The following FICD variants were observed in gnomAD, a reference collection of about 807,000 sequenced individuals.
FICD encodes the protein protein adenylyltransferase FICD.
In FICD, 13 loss-of-function variants were observed where a neutral mutation model predicts 28.0. The ratio of observed to expected loss-of-function variants is 0.46; its 90% CI spans 0.30 to 0.74. The LOEUF (loss-of-function observed/expected upper bound fraction) is 0.74, where lower values mean the gene tolerates loss of function less well. Among genes scored for constraint, FICD ranks in the 30% least tolerant of loss-of-function variants. The pLI is 0.07. For missense variants in FICD, 576 were observed against 624.5 expected, an observed-to-expected ratio of 0.92 and a Z score of 0.83; for synonymous variants, 268 against 266.4, an observed-to-expected ratio of 1.01 and a Z score of -0.06.
At position 108,518,508 on chromosome 12, in the gene FICD, C is replaced by T. The variant is rs753413389; in HGVS notation, c.410C>T (p.Pro137Leu). Reference protein sequence around the residue: ...KLFMHALKMDPDFVDALTEFG... With the variant: ...KLFMHALKMDLDFVDALTEFG... ...TTCATGCACGCCCTCAAGATGGACC[C>T]GGACTTCGTGGACGCGCTCACCGAG... is the stretch of plus-strand genomic sequence containing the variant. Residue 137 changes from proline to leucine, a missense_variant, in exon 3 of 3, where the codon CCG becomes CTG. Physicochemically the swap from Pro to Leu is moderately conservative, Grantham distance 98. Coordinates refer to ENST00000552695, the MANE Select transcript of FICD (RefSeq NM_007076.3). The surrounding 1 kb of genome is among the most constrained non-coding windows in gnomAD (Gnocchi z 4.4). 48 of 1,614,016 alleles carry T rather than the reference C, an allele frequency of 3.0e-5. No homozygotes were observed. In the Middle Eastern group the frequency reaches 4.9e-4, roughly 17 times the overall value.
chr12:108,518,638 C>T lies in FICD; in HGVS notation c.540C>T (p.Arg180=), dbSNP rs772940478. ...SPYHEKALVN[R]DRTLPLVEEI... ...ACCATGAGAAAGCACTGGTCAACCG[C>T]GATCGGACACTGCCTCTTGTGGAAG... is the stretch of plus-strand genomic sequence containing the variant. The change falls in exon 3 of 3, where the codon CGC becomes CGT. Residue 180 remains arginine, a synonymous_variant. Transcript: ENST00000552695. This position sits in a 1 kb window ranked among gnomAD's most constrained non-coding sequence, Gnocchi z 4.4. 2.3e-5 allele frequency: 37 copies of T among 1,614,070 alleles called. No homozygotes were observed. The Admixed American group carries it at 2.3e-4, about 10-fold the overall frequency.
chr12:108,516,940 G>C lies in FICD; in HGVS notation c.-33G>C. ...ATCCTGCTCTCTCTCAGCCGCCTGT[G>C]GACATGCGCAAAGGGCCCTCTCCTG... On this transcript the variant is annotated 5_prime_UTR_variant, in exon 2 of 3. Transcript: ENST00000552695. The C allele has an allele frequency of 6.9e-7, 1 of 1,442,370 alleles. No homozygotes were observed. Among genetic ancestry groups the C allele is most frequent in the Non-Finnish European group, 9.2e-7 (1 of 1,086,764 alleles). The allele number at this position is 1,442,370 out of a possible 1,614,324, so 89.3% of individuals were successfully genotyped here.
chr12:108,519,496 AAAGG>A lies in FICD; in HGVS notation c.*22_*25del. 1.3e-6 allele frequency: 2 copies of A among 1,521,166 alleles called. No individual in the cohort carries two copies. The highest frequency in any genetic ancestry group is 1.8e-6 in the Non-Finnish European group (2 of 1,109,894). The allele number at this position is 1,521,166 out of a possible 1,614,324, so 94.2% of individuals were successfully genotyped here. A position where few individuals can be genotyped will look rare whatever the true frequency, so the allele number is the denominator to read the frequency against. On this transcript the variant is annotated 3_prime_UTR_variant, in exon 3 of 3. Transcript: ENST00000552695. This position sits in a 1 kb window ranked among gnomAD's most constrained non-coding sequence, Gnocchi z 4.5. Reference sequence around the variant, plus strand: ...CCTAACCCTAGAAATCCTCAGTGACAAAGGCTGTCCTGAGGTAGGAAAAAAAAAA... The same window carrying A: ...CCTAACCCTAGAAATCCTCAGTGACACTGTCCTGAGGTAGGAAAAAAAAAA...
chr12:108,517,765 A>G (rs80345256), intron 2 of FICD, among the ~76,000 whole-genome samples: 5,487 of 152,112 alleles, frequency 0.036, 128 homozygotes, highest in South Asian at 0.075. Flanking sequence ...GCATTGTTAG[A>G]TGGTGGTGGC....
Position 108,518,342 on chromosome 12 carries a change from G to C in FICD, c.302-58G>C. On this transcript the variant is annotated intron_variant, in intron 2 of 2. Coordinates refer to ENST00000552695, the MANE Select transcript of FICD (RefSeq NM_007076.3). The surrounding 1 kb of genome is among the most constrained non-coding windows in gnomAD (Gnocchi z 4.4). ...AGACCAGCACAGGGGACAGCCCCCCGAATGTCCTCTGCCCCCTAGCCTCCC... is the reference window on the plus strand; with the variant it reads ...AGACCAGCACAGGGGACAGCCCCCCCAATGTCCTCTGCCCCCTAGCCTCCC... The C allele has an allele frequency of 7.0e-7, 1 of 1,437,146 alleles. No individual in the cohort carries two copies. The highest frequency in any genetic ancestry group is 9.8e-7 in the Non-Finnish European group (1 of 1,023,858). 89.0% of individuals were successfully genotyped at this position (1,437,146 alleles called of 1,614,324 possible).
chr12:108,519,412 G>A lies in FICD; in HGVS notation c.1314G>A (p.Val438=). 1 of 1,614,048 alleles carries A rather than the reference G, an allele frequency of 6.2e-7. No individual in the cohort carries two copies. The highest frequency in any genetic ancestry group is 8.5e-7 in the Non-Finnish European group (1 of 1,180,004). The change falls in exon 3 of 3, where the codon GTG becomes GTA. Residue 438 remains valine (V), a synonymous_variant. Transcript: ENST00000552695. The surrounding 1 kb of genome is among the most constrained non-coding windows in gnomAD (Gnocchi z 4.5). ...TTTTTGCCACAACTGAGTACTCGGT[G>A]GCACTGCCAGAAGCCCAACCCAACC... The part of the protein sequence containing the change: ...TLLFATTEYS[V]ALPEAQPNHS...
rs1872004123 is a variant in FICD, at chr12:108,518,805, A to C, written c.707A>C (p.Asn236Thr). 6.2e-7 allele frequency: 1 copy of C among 1,614,196 alleles called. No homozygotes were observed. Among genetic ancestry groups the C allele is most frequent in the Non-Finnish European group, 8.5e-7 (1 of 1,180,016 alleles). Residue 236 changes from asparagine to threonine, a missense_variant, in exon 3 of 3, where the codon AAC becomes ACC. Coordinates refer to ENST00000552695, the MANE Select transcript of FICD (RefSeq NM_007076.3). The surrounding 1 kb of genome is among the most constrained non-coding windows in gnomAD (Gnocchi z 4.4). ...TACCACACAGTGGCCATCGAGGGCA[A>C]CACCCTCACCCTCTCGGAAATCAGG... ...HIYHTVAIEG[N>T]TLTLSEIRHI...
intron 2 of FICD, chr12:108,517,593 C>A: frequency 2.4e-6 from 1 of 420,512 alleles, no homozygotes. Flanking sequence ...GTTGTCATAA[C>A]TGACATAACT....
chr12:108,519,312 C>G lies in FICD; in HGVS notation c.1214C>G (p.Ala405Gly). ...TCCGACTACTACCACGTGTTGGAAG[C>G]TGCCAACGAGGGCGACGTGAGGCCT... ...QRSDYYHVLE[A>G]ANEGDVRPFI... The change falls in exon 3 of 3, where the codon GCT (alanine) becomes GGT (glycine). Residue 405 changes from alanine (A) to glycine (G), a missense_variant. Physicochemically the swap from Ala to Gly is moderately conservative, Grantham distance 60. Transcript: ENST00000552695. The surrounding 1 kb of genome is among the most constrained non-coding windows in gnomAD (Gnocchi z 4.5). 6.2e-7 allele frequency: 1 copy of G among 1,614,268 alleles called. No homozygotes were observed. Among genetic ancestry groups the G allele is most frequent in the Non-Finnish European group, 8.5e-7 (1 of 1,180,056 alleles).
At position 108,518,711 on chromosome 12, in the gene FICD, G is replaced by GT. The variant is rs1187423160; in HGVS notation, c.614dup (p.Met206HisfsTer153). On this transcript the variant is annotated frameshift_variant, in exon 3 of 3. Coordinates refer to ENST00000552695, the MANE Select transcript of FICD (RefSeq NM_007076.3). LOFTEE classifies it high-confidence loss of function. The surrounding 1 kb of genome is among the most constrained non-coding windows in gnomAD (Gnocchi z 4.4). ...CATCATCGACAGCAAAGTGAAGAAG[G>GT]TCATGTCCATCCCCAAGGGGAACTC... 1 of 1,614,214 alleles carries GT rather than the reference G, an allele frequency of 6.2e-7. No individual in the cohort carries two copies. Among genetic ancestry groups the GT allele is most frequent in the Non-Finnish European group, 8.5e-7 (1 of 1,180,040 alleles).
rs1390273404 is a variant in FICD, at chr12:108,518,594, G to A, written c.496G>A (p.Ala166Thr). Residue 166 changes from alanine (A) to threonine (T), a missense_variant, in exon 3 of 3, where the codon GCA becomes ACA. Ala to Thr is a moderately conservative substitution (Grantham distance 58, BLOSUM62 0). Coordinates refer to ENST00000552695, the MANE Select transcript of FICD (RefSeq NM_007076.3). This position sits in a 1 kb window ranked among gnomAD's most constrained non-coding sequence, Gnocchi z 4.4. ...IIQADYLYTR[A>T]LTISPYHEKA... ...CCAGGCGGACTACTTGTACACCAGA[G>A]CATTGACCATCTCACCCTACCATGA... 6.2e-7 allele frequency: 1 copy of A among 1,614,212 alleles called. No homozygotes were observed.
rs578188944 is a variant in FICD at position 108,516,087 on chromosome 12, G to A, written c.-59+726G>A. On this transcript the variant is annotated intron_variant, in intron 1 of 2. Transcript: ENST00000552695. ...TTAATAAGTGCTTATTGTTAGCATA[G>A]TGTTTGCATGCCTGGCCCCACCTCC... Among the ~76,000 whole-genome samples the A allele has an allele frequency of 2.0e-5, 3 of 152,212 alleles. No individual in the cohort carries two copies. In the South Asian group the frequency reaches 6.2e-4, roughly 32 times the overall value.
Position 108,517,122 on chromosome 12 carries a change from G to C in FICD, c.150G>C (p.Gln50His). 1.9e-6 allele frequency: 3 copies of C among 1,609,878 alleles called. No individual in the cohort carries two copies. Among genetic ancestry groups the C allele is most frequent in the Non-Finnish European group, 2.5e-6 (3 of 1,178,202 alleles). The change falls in exon 2 of 3, where the codon CAG becomes CAC. Residue 50 changes from glutamine (Q) to histidine (H), a missense_variant. By Grantham distance (24) the Gln-to-His change is conservative. Coordinates refer to ENST00000552695, the MANE Select transcript of FICD (RefSeq NM_007076.3). ...TGCCGCTGGGGGCTGTGGAGGAGCAGTGCTTGGCTGTGCTCAAAGGCCTCT... is the reference window on the plus strand; with the variant it reads ...TGCCGCTGGGGGCTGTGGAGGAGCACTGCTTGGCTGTGCTCAAAGGCCTCT... Reference protein sequence around the residue: ...LLLPLGAVEEQCLAVLKGLYL... With the variant: ...LLLPLGAVEEHCLAVLKGLYL...
rs755373703 is a variant in FICD at position 108,518,706 on chromosome 12, A to G, written c.608A>G (p.Lys203Arg). 8 of 1,614,218 alleles carry G rather than the reference A, an allele frequency of 5.0e-6. No homozygotes were observed. The South Asian group carries it at 8.8e-5, about 18-fold the overall frequency. Residue 203 changes from lysine (K) to arginine (R), a missense_variant, in exon 3 of 3, where the codon AAG (lysine) becomes AGG (arginine). By Grantham distance (26) the Lys-to-Arg change is conservative. Transcript: ENST00000552695. This position sits in a 1 kb window ranked among gnomAD's most constrained non-coding sequence, Gnocchi z 4.4. ...RYFSIIDSKV[K>R]KVMSIPKGNS... ...TTCAGCATCATCGACAGCAAAGTGA[A>G]GAAGGTCATGTCCATCCCCAAGGGG...
chr12:108,516,962 C>T lies in FICD; in HGVS notation c.-11C>T. On this transcript the variant is annotated 5_prime_UTR_variant, in exon 2 of 3. Coordinates refer to ENST00000552695, the MANE Select transcript of FICD (RefSeq NM_007076.3). Reference sequence around the variant, plus strand: ...TGTGGACATGCGCAAAGGGCCCTCTCCTGAGTCCAGATGATGCTCATACCA... The same window carrying T: ...TGTGGACATGCGCAAAGGGCCCTCTTCTGAGTCCAGATGATGCTCATACCA... 6.8e-7 allele frequency: 1 copy of T among 1,470,370 alleles called. No individual in the cohort carries two copies. Among genetic ancestry groups the T allele is most frequent in the East Asian group, 2.4e-5 (1 of 41,134 alleles). The allele number at this position is 1,470,370 out of a possible 1,614,324, so 91.1% of individuals were successfully genotyped here.
Position 108,519,056 on chromosome 12 carries a change from A to G in FICD, c.958A>G (p.Ile320Val), listed in dbSNP as rs140126955. The G allele has an allele frequency of 4.3e-6, 7 of 1,614,122 alleles. No individual in the cohort carries two copies. Among genetic ancestry groups the G allele is most frequent in the African/African-American group, 2.7e-5 (2 of 74,952 alleles). ...AACACAGGTCCTGGTCGGACACCAC[A>G]TCCCTCCCCATCCGCAGGATGTGGA... ...RTTQVLVGHH[I>V]PPHPQDVEKQ... The change falls in exon 3 of 3, where the codon ATC (isoleucine) becomes GTC (valine). Residue 320 changes from isoleucine to valine, a missense_variant. Coordinates refer to ENST00000552695, the MANE Select transcript of FICD (RefSeq NM_007076.3). The surrounding 1 kb of genome is among the most constrained non-coding windows in gnomAD (Gnocchi z 4.5).
rs1331622654 is a variant in FICD, at chr12:108,520,694, G to A, written c.*1219G>A. On this transcript the variant is annotated 3_prime_UTR_variant, in exon 3 of 3. Coordinates refer to ENST00000552695, the MANE Select transcript of FICD (RefSeq NM_007076.3). Reference sequence around the variant, plus strand: ...TAGAATCTTCTCTTTGAATCATATGGTACAGGTGCCAATATGACTGCTGCT... The same window carrying A: ...TAGAATCTTCTCTTTGAATCATATGATACAGGTGCCAATATGACTGCTGCT... 1.3e-5 allele frequency: 2 copies of A among 149,772 alleles called. No individual in the cohort carries two copies. The highest frequency in any genetic ancestry group is 4.1e-4 in the South Asian group (2 of 4,838). The allele number at this position is 149,772 out of a possible 1,614,324, so 9.3% of individuals were successfully genotyped here.
Position 108,519,247 on chromosome 12 carries a change from GGCGGGCTACCC to G in FICD, c.1152_1162del (p.Gly385HisfsTer35). 1 of 1,614,250 alleles carries G rather than the reference GGCGGGCTACCC, an allele frequency of 6.2e-7. No individual in the cohort carries two copies. The highest frequency in any genetic ancestry group is 1.1e-5 in the South Asian group (1 of 91,092). ...TGCTCATGAACCTCATCCTCATGCA[GGCGGGCTACCC>G]GCCCATCACCATCCGCAAGGAGCAG... On this transcript the variant is annotated frameshift_variant, in exon 3 of 3. Coordinates refer to ENST00000552695, the MANE Select transcript of FICD (RefSeq NM_007076.3). LOFTEE classifies it high-confidence loss of function. The surrounding 1 kb of genome is among the most constrained non-coding windows in gnomAD (Gnocchi z 4.5).
chr12:108,519,580 C>T lies in FICD; in HGVS notation c.*105C>T. The T allele has an allele frequency of 1.7e-6, 1 of 594,518 alleles. No homozygotes were observed. Among genetic ancestry groups the T allele is most frequent in the Non-Finnish European group, 2.8e-6 (1 of 360,410 alleles). The allele number at this position is 594,518 out of a possible 1,614,324, so 36.8% of individuals were successfully genotyped here. A position where few individuals can be genotyped will look rare whatever the true frequency, so the allele number is the denominator to read the frequency against. On this transcript the variant is annotated 3_prime_UTR_variant, in exon 3 of 3. Coordinates refer to ENST00000552695, the MANE Select transcript of FICD (RefSeq NM_007076.3). This position sits in a 1 kb window ranked among gnomAD's most constrained non-coding sequence, Gnocchi z 4.5. ...TTCCTAAAGCAAAAGGAGAAACATT[C>T]TTTACCTCCAAATGTTTTAGTTTTA...
Sources: gnomAD v4.1 joint callset for allele counts (sites outside exome capture counted in the v4.1 genomes callset) on GRCh38, gnomAD v4.1.1 for gene constraint, Gnocchi (gnomAD v3.1) non-coding constraint, MANE v1.5 for transcripts, NCBI Gene and HGNC (gene_info 2026-07-23, HGNC 2026-07-21) for gene names.